The following SLC22A23 variants were observed in gnomAD, a reference collection of about 807,000 sequenced individuals.
SLC22A23 encodes the protein solute carrier family 22 member 23.
In SLC22A23, 26 loss-of-function variants were observed where a neutral mutation model predicts 61.0. That is an observed-to-expected ratio of 0.43 (90% CI 0.31 to 0.59). The LOEUF (loss-of-function observed/expected upper bound fraction) is 0.59, where lower values mean the gene tolerates loss of function less well. Ranked by LOEUF, SLC22A23 falls within the 20% of genes least tolerant of loss-of-function variation. The probability of loss-of-function intolerance (pLI) is 0.11; values close to 1 mark genes in which losing one functional copy is unlikely to be tolerated. For synonymous variants in SLC22A23, 430 were observed against 413.9 expected (o/e 1.04, Z -0.47); for missense variants, 796 against 934.7 (o/e 0.85, Z 1.94).
At position 3,387,196 on chromosome 6, in the gene SLC22A23, T is replaced by C. The variant is rs1445597690; in HGVS notation, c.913+22992A>G. 6.6e-6 allele frequency among the ~76,000 whole-genome samples: 1 copy of C among 152,074 alleles called. No homozygotes were observed. Among genetic ancestry groups the C allele is most frequent in the Non-Finnish European group, 1.5e-5 (1 of 68,010 alleles). On this transcript the variant is annotated intron_variant, in intron 3 of 9. Transcript: ENST00000406686. The surrounding 1 kb of genome is among the most constrained non-coding windows in gnomAD (Gnocchi z 5.0). ...ACTAAGTGGAGAAAGGGAAAACTAG[T>C]AACTGCAGAGGAGAAGCCTGGCAGA...
rs1025054573 is a variant in SLC22A23, at chr6:3,280,739, G to A, written c.1703+3113C>T. ...TCTCGATCTCCTGACCTCGTGATCT[G>A]CCCGCCTCAGCCTCCCAAAGTGCTG... On this transcript the variant is annotated intron_variant, in intron 9 of 9. Coordinates refer to ENST00000406686, the MANE Select transcript of SLC22A23 (RefSeq NM_015482.2). 2.0e-5 allele frequency among the ~76,000 whole-genome samples: 3 copies of A among 152,024 alleles called. No homozygotes were observed. The East Asian group carries it at 5.8e-4, about 29-fold the overall frequency.
chr6:3,376,404 C>G (rs913402030), intron 3 of SLC22A23, among the ~76,000 whole-genome samples: 2 of 152,158 alleles, frequency 1.3e-5, no homozygotes, highest in Non-Finnish European at 2.9e-5. Context: ...CGCCCCTCAC[C>G]TCGCACCTTC....
intron 3 of SLC22A23, among the ~76,000 whole-genome samples, chr6:3,345,754 T>C (rs953857918): frequency 6.6e-6 from 1 of 152,184 alleles, no homozygotes; most frequent in African/African-American, 2.4e-5. Flanking sequence ...GGAATTGAGA[T>C]GGTCAAATGC....
intron 4 of SLC22A23, among the ~76,000 whole-genome samples, chr6:3,319,458 T>A (rs1762824337): frequency 6.6e-6 from 1 of 152,172 alleles, no homozygotes; most frequent in Non-Finnish European, 1.5e-5. Context: ...AAAAGCATGT[T>A]CCTCATGTGT....
chr6:3,456,447 A>C lies in SLC22A23; in HGVS notation c.113T>G (p.Leu38Arg), dbSNP rs1772414434. The C allele has an allele frequency of 1.6e-6, 2 of 1,226,866 alleles. No homozygotes were observed. Among genetic ancestry groups the C allele is most frequent in the African/African-American group, 3.2e-5 (2 of 62,882 alleles). 76.0% of individuals were successfully genotyped at this position (1,226,866 alleles called of 1,614,324 possible). Residue 38 changes from leucine to arginine, a missense_variant, in exon 1 of 10, where the codon CTC (leucine) becomes CGC (arginine). Leu to Arg is a moderately radical substitution (Grantham distance 102, BLOSUM62 -2). Coordinates refer to ENST00000406686, the MANE Select transcript of SLC22A23 (RefSeq NM_015482.2). This position sits in a 1 kb window ranked among gnomAD's most constrained non-coding sequence, Gnocchi z 7.1. ...GCCGCCGGGGCCCGCGCGTCCCCCG[A>C]GGGGCGCCGAGGCCGCCGCGTCCCC... is the stretch of plus-strand genomic sequence containing the variant. ...PPGDAAASAP[L>R]GGRAGPGGGA...
chr6:3,379,087 G>A (rs1181077579), intron 3 of SLC22A23, among the ~76,000 whole-genome samples: 1 of 152,122 alleles, frequency 6.6e-6, no homozygotes, highest in African/African-American at 2.4e-5. Flanking sequence ...TTTTTGCCCT[G>A]TTTTCTCCAC....
chr6:3,321,496 G>T (rs912695647), intron 4 of SLC22A23, among the ~76,000 whole-genome samples: 8 of 152,080 alleles, frequency 5.3e-5, no homozygotes, highest in African/African-American at 1.7e-4. Context: ...ATATTTCAAA[G>T]AATTTTCCTG....
At chr6:3,392,185 A>G (rs1767709654) in intron 3 of SLC22A23, among the ~76,000 whole-genome samples, 1 of 152,202 alleles carries the variant, frequency 6.6e-6, no homozygotes, top group South Asian at 2.1e-4. Context: ...TGGGATGTGA[A>G]AAGTGGTACC....
At chr6:3,341,755 C>T (rs776866882) in intron 3 of SLC22A23, among the ~76,000 whole-genome samples, 44 of 142,972 alleles carry the variant, frequency 3.1e-4, no homozygotes, top group Non-Finnish European at 5.5e-4. Context: ...CTGTTGTGAC[C>T]GAAGCTTCCC....
Position 3,309,417 on chromosome 6 carries a change from G to A in SLC22A23, c.1083-11199C>T, listed in dbSNP as rs967080484. Among the ~76,000 whole-genome samples the A allele has an allele frequency of 6.6e-6, 1 of 152,208 alleles. No homozygotes were observed. Among genetic ancestry groups the A allele is most frequent in the African/African-American group, 2.4e-5 (1 of 41,462 alleles). On this transcript the variant is annotated intron_variant, in intron 4 of 9. Transcript: ENST00000406686. This position sits in a 1 kb window ranked among gnomAD's most constrained non-coding sequence, Gnocchi z 4.7. The stretch of plus-strand genomic sequence containing the variant: ...TGAAAACACAGACTTGCTTCACAGA[G>A]GCGCGCCCAGGGTCTTCAGACAACT...
At chr6:3,364,755 GCTA>G (rs1206630572) in intron 3 of SLC22A23, among the ~76,000 whole-genome samples, 1 of 152,226 alleles carries the variant, frequency 6.6e-6, no homozygotes, top group Non-Finnish European at 1.5e-5. Context: ...CAGGAGATGA[GCTA>G]CTGTTGTCCA....
chr6:3,414,309 C>T lies in SLC22A23; in HGVS notation c.758+1443G>A, dbSNP rs895084889. ...ATATTTTAGACCAATATAGCCCACA[C>T]TAGAAACCTATGAACTCAAGTATTT... is the stretch of plus-strand genomic sequence containing the variant. On this transcript the variant is annotated intron_variant, in intron 2 of 9. Coordinates refer to ENST00000406686, the MANE Select transcript of SLC22A23 (RefSeq NM_015482.2). This position sits in a 1 kb window ranked among gnomAD's most constrained non-coding sequence, Gnocchi z 5.1. Among the ~76,000 whole-genome samples the T allele has an allele frequency of 6.6e-6, 1 of 152,142 alleles. No homozygotes were observed. The highest frequency in any genetic ancestry group is 1.5e-5 in the Non-Finnish European group (1 of 68,032).
chr6:3,280,280 C>G (rs1166699418), intron 9 of SLC22A23, among the ~76,000 whole-genome samples: 1 of 152,130 alleles, frequency 6.6e-6, no homozygotes, highest in Non-Finnish European at 1.5e-5. Context: ...GAGGGACCCA[C>G]CCAAGGCCAC....
In SLC22A23 at chr6:3,297,784, CAGGT is replaced by C. The variant is rs1320966216; in HGVS notation, c.1210+303_1210+306del. ...TCTGGCAGTGTTTAGACCTGGCAGGCAGGTAGGCTATGGGCCAGACAGCCAGATA... is the reference window on the plus strand; with the variant it reads ...TCTGGCAGTGTTTAGACCTGGCAGGCAGGCTATGGGCCAGACAGCCAGATA... On this transcript the variant is annotated intron_variant, in intron 5 of 9. Coordinates refer to ENST00000406686, the MANE Select transcript of SLC22A23 (RefSeq NM_015482.2). The surrounding 1 kb of genome is among the most constrained non-coding windows in gnomAD (Gnocchi z 4.3). Among the ~76,000 whole-genome samples, 3 of 152,286 alleles carry C rather than the reference CAGGT, an allele frequency of 2.0e-5. No homozygotes were observed. The East Asian group carries it at 5.8e-4, about 29-fold the overall frequency.
intron 9 of SLC22A23, among the ~76,000 whole-genome samples, chr6:3,280,715 C>G (rs1177099886): frequency 6.6e-6 from 1 of 152,048 alleles, no homozygotes; most frequent in Non-Finnish European, 1.5e-5. Flanking sequence ...GCCAGATCCT[C>G]TCGATCTCCT....
At chr6:3,437,266 A>G (rs545829408) in intron 1 of SLC22A23, among the ~76,000 whole-genome samples, 1 of 152,326 alleles carries the variant, frequency 6.6e-6, no homozygotes, top group South Asian at 2.1e-4. Flanking sequence ...AAAAAACCCC[A>G]AAACAAAACA....
chr6:3,340,368 T>C (rs1183425738), intron 3 of SLC22A23, among the ~76,000 whole-genome samples: 2 of 152,086 alleles, frequency 1.3e-5, no homozygotes, highest in African/African-American at 4.8e-5. Context: ...AAACAGCACG[T>C]TAGTATAATA....
intron 3 of SLC22A23, among the ~76,000 whole-genome samples, chr6:3,352,861 C>T (rs1018919885): frequency 3.3e-5 from 5 of 152,158 alleles, no homozygotes; most frequent in Non-Finnish European, 5.9e-5. Context: ...TACGCATGGA[C>T]AAGCCGCGTG....
intron 2 of SLC22A23, among the ~76,000 whole-genome samples, chr6:3,413,394 C>T (rs918953742): frequency 5.9e-5 from 9 of 152,218 alleles, no homozygotes; most frequent in East Asian, 1.9e-4. Context: ...TGGCCACACT[C>T]GGCCAGGAGC....
Sources: allele counts gnomAD v4.1 joint callset (sites outside exome capture counted in the v4.1 genomes callset), GRCh38; gene constraint gnomAD v4.1.1; non-coding constraint Gnocchi (gnomAD v3.1); transcripts MANE v1.5; gene names NCBI Gene and HGNC (gene_info 2026-07-23, HGNC 2026-07-21).